TANC2: variants seen among roughly 807,000 people sequenced by gnomAD.
TANC2 encodes tetratricopeptide repeat, ankyrin repeat and coiled-coil containing 2.
Under a neutral mutation model 210.5 loss-of-function variants are expected in TANC2, and 26 were observed. The ratio of observed to expected loss-of-function variants is 0.12; its 90% CI spans 0.09 to 0.17. TANC2 has a LOEUF of 0.17. Among genes scored for constraint, TANC2 ranks in the 10% least tolerant of loss-of-function variants. The pLI is 1.00. For missense variants in TANC2, 2,129 were observed against 2,608.9 expected (o/e 0.82, Z 4.01); for synonymous variants, 931 against 967.1 (o/e 0.96, Z 0.69).
At chr17:63,398,168 G>A (rs1293928841) in intron 18 of TANC2, among the ~76,000 whole-genome samples, 1 of 152,192 alleles carries the variant, frequency 6.6e-6, no homozygotes, top group African/African-American at 2.4e-5. Flanking sequence ...CACAGGGCCA[G>A]ATGCAGTGGC....
intron 3 of TANC2, chr17:63,088,501 T>C (rs1043821550): frequency 3.3e-5 from 5 of 152,218 alleles, no homozygotes; most frequent in African/African-American, 1.2e-4. Flanking sequence ...TGTGTTTCTC[T>C]CATGTGTGTA....
At chr17:63,390,344 C>T (rs931209882) in intron 17 of TANC2, 2 of 152,180 alleles carry the variant, frequency 1.3e-5, no homozygotes, top group African/African-American at 2.4e-5. Context: ...AAGTGGGACT[C>T]CTCCACTCCT....
intron 2 of TANC2, among the ~76,000 whole-genome samples, chr17:63,071,668 T>A (rs2036402983): frequency 6.6e-6 from 1 of 152,146 alleles, no homozygotes; most frequent in South Asian, 2.1e-4. Flanking sequence ...TTTTTTTCTT[T>A]AGAGAATATA....
chr17:63,168,269 G>A (rs993142423), intron 5 of TANC2, among the ~76,000 whole-genome samples: 1 of 152,184 alleles, frequency 6.6e-6, no homozygotes, highest in Non-Finnish European at 1.5e-5. Context: ...GGAAGGGTAA[G>A]TAGAGAAACA....
chr17:63,098,784 G>T (rs2037509852), intron 3 of TANC2, among the ~76,000 whole-genome samples: 1 of 151,818 alleles, frequency 6.6e-6, no homozygotes, highest in African/African-American at 2.4e-5. Context: ...GAAAGAAATA[G>T]AGTTACAATG....
intron 9 of TANC2, among the ~76,000 whole-genome samples, chr17:63,274,293 CG>C (rs2043806819): frequency 1.3e-5 from 2 of 151,538 alleles, no homozygotes; most frequent in African/African-American, 4.8e-5. Context: ...CCCGGCCCAA[CG>C]GGGGAGAGGT....
chr17:63,046,273 C>T (rs1191397508), intron 2 of TANC2, among the ~76,000 whole-genome samples: 1 of 148,484 alleles, frequency 6.7e-6, no homozygotes, highest in Non-Finnish European at 1.5e-5. Context: ...GATTCTCCTG[C>T]CTCAGCCTTC....
chr17:63,274,944 G>T (rs994178226), intron 9 of TANC2, among the ~76,000 whole-genome samples: 3 of 152,052 alleles, frequency 2.0e-5, no homozygotes, highest in African/African-American at 7.2e-5. Context: ...CTCTCATTCC[G>T]CAGAGAAAGA....
At chr17:63,168,675 A>G (rs1412256143) in intron 5 of TANC2, among the ~76,000 whole-genome samples, 3 of 152,170 alleles carry the variant, frequency 2.0e-5, no homozygotes, top group Non-Finnish European at 4.4e-5. Context: ...ACCCCTAGCT[A>G]TGTGAGATAT....
intron 4 of TANC2, among the ~76,000 whole-genome samples, chr17:63,146,799 A>G (rs1260843693): frequency 6.6e-6 from 1 of 152,108 alleles, no homozygotes; most frequent in Non-Finnish European, 1.5e-5. Flanking sequence ...CGATAGGTAG[A>G]TTTTCTCTTT....
intron 17 of TANC2, among the ~76,000 whole-genome samples, chr17:63,394,893 A>G (rs982351383): frequency 6.6e-6 from 1 of 152,218 alleles, no homozygotes; most frequent in African/African-American, 2.4e-5. Context: ...TTATTCACCT[A>G]AGTGGTACTT....
chr17:63,038,866 A>G (rs1415808072), intron 2 of TANC2, among the ~76,000 whole-genome samples: 1 of 152,172 alleles, frequency 6.6e-6, no homozygotes, highest in Admixed American at 6.5e-5. Context: ...CTGAAAAATC[A>G]AAGTTTTAGA....
intron 5 of TANC2, chr17:63,153,549 T>A (rs1339955283): frequency 1.3e-5 from 2 of 152,196 alleles, no homozygotes; most frequent in Non-Finnish European, 2.9e-5. Context: ...TCAGTAGGTC[T>A]GGAGTGGGTC....
chr17:63,413,602 A>C (rs751534960), exon 25 of TANC2: 1 of 1,601,672 alleles, frequency 6.2e-7, no homozygotes, highest in South Asian at 1.1e-5. Flanking sequence ...CCTGTTGAGC[A>C]AGCTGATGGA....
At chr17:63,158,797 C>T (rs1255891521) in intron 5 of TANC2, among the ~76,000 whole-genome samples, 1 of 152,176 alleles carries the variant, frequency 6.6e-6, no homozygotes, top group African/African-American at 2.4e-5. Flanking sequence ...TGCAGCATAG[C>T]AGGGTTCTGT....
chr17:63,411,600 G>A, exon 22 of TANC2: 1 of 1,613,954 alleles, frequency 6.2e-7, no homozygotes, highest in Non-Finnish European at 8.5e-7. Context: ...ACGTTCTCTG[G>A]TGGATAACGG....
In TANC2 at chr17:63,418,262, T is replaced by G; in HGVS notation, c.4168-45T>G. The G allele has an allele frequency of 6.5e-7, 1 of 1,549,906 alleles. No homozygotes were observed. The highest frequency in any genetic ancestry group is 1.8e-5 in the Admixed American group (1 of 54,300). On this transcript the variant is annotated intron_variant, in intron 26 of 27. Transcript: ENST00000689528. The surrounding 1 kb of genome is among the most constrained non-coding windows in gnomAD (Gnocchi z 4.6). ...GTTTTATTCCCAAGTTGTCTATTTT[T>G]TATATCTCATCAATGACTCATTTGC...
intron 1 of TANC2, among the ~76,000 whole-genome samples, chr17:62,973,538 T>C (rs891236190): frequency 6.6e-6 from 1 of 152,200 alleles, no homozygotes; most frequent in African/African-American, 2.4e-5. Context: ...GAGGAAACTT[T>C]AGGCACCAGG....
At chr17:63,175,529 C>CA (rs1435148822) in intron 5 of TANC2, among the ~76,000 whole-genome samples, 118 of 90,258 alleles carry the variant, frequency 1.3e-3, no homozygotes, top group Non-Finnish European at 2.1e-3. Flanking sequence ...CCTGTCTCCC[C>CA]CGCCAAAAAA....
Sources: allele counts gnomAD v4.1 joint callset (sites outside exome capture counted in the v4.1 genomes callset), GRCh38; gene constraint gnomAD v4.1.1; non-coding constraint Gnocchi (gnomAD v3.1); transcripts MANE v1.5; gene names NCBI Gene and HGNC (gene_info 2026-07-23, HGNC 2026-07-21).